The following GPR39 variants were observed in gnomAD, a reference collection of about 807,000 sequenced individuals.
GPR39 encodes the protein G protein-coupled receptor 39, also known as zinc sensing receptor.
A neutral mutation model predicts 18.4 loss-of-function variants in GPR39; 23 were observed. The ratio of observed to expected loss-of-function variants is 1.25; its 90% CI spans 0.90 to 1.77. The LOEUF (loss-of-function observed/expected upper bound fraction) is 1.77, where lower values mean the gene tolerates loss of function less well. Among genes scored for constraint, GPR39 ranks in the 40% most tolerant of loss-of-function variants. The pLI is 0.00. For synonymous variants in GPR39, 280 were observed against 257.9 expected (o/e 1.09, Z -0.82); for missense variants, 647 against 602.4 (o/e 1.07, Z -0.78).
At chr2:132,560,141 C>T (rs904116846) in intron 1 of GPR39, among the ~76,000 whole-genome samples, 1 of 152,184 alleles carries the variant, frequency 6.6e-6, no homozygotes. Flanking sequence ...CAGCAACATC[C>T]TCAACCTCCA....
chr2:132,423,384 T>A (rs553873721), intron 1 of GPR39, among the ~76,000 whole-genome samples: 1 of 152,156 alleles, frequency 6.6e-6, no homozygotes, highest in South Asian at 2.1e-4. Context: ...TTTACCCGAA[T>A]TACCTCCCAA....
At chr2:132,439,108 C>A (rs1421802621) in intron 1 of GPR39, among the ~76,000 whole-genome samples, 1 of 152,172 alleles carries the variant, frequency 6.6e-6, no homozygotes, top group African/African-American at 2.4e-5. Context: ...AAATCACAAA[C>A]ACGATTTCTC....
chr2:132,535,695 C>CTTTTTT lies in GPR39; in HGVS notation c.857-109400_857-109395dup, dbSNP rs753801511. Among the ~76,000 whole-genome samples the CTTTTTT allele has an allele frequency of 7.3e-4, 70 of 96,538 alleles. 7 individuals are homozygous for CTTTTTT. Among genetic ancestry groups the CTTTTTT allele is most frequent in the African/African-American group, 2.5e-3 (63 of 25,362 alleles). 63.3% of individuals were successfully genotyped at this position (96,538 alleles called of 152,430 possible). ...GGCTGTGAATCCATCTGGTCCTGGG[C>CTTTTTT]TTTTTTTTTTTGGTTGGTAGGCTAT... On this transcript the variant is annotated intron_variant, in intron 1 of 1. Coordinates refer to ENST00000329321, the MANE Select transcript of GPR39 (RefSeq NM_001508.3).
intron 1 of GPR39, among the ~76,000 whole-genome samples, chr2:132,482,007 T>G (rs1208078857): frequency 6.6e-6 from 1 of 152,214 alleles, no homozygotes; most frequent in Non-Finnish European, 1.5e-5. Flanking sequence ...AACATCTCTG[T>G]AGACTGGACC....
intron 1 of GPR39, among the ~76,000 whole-genome samples, chr2:132,510,356 C>T (rs1314607026): frequency 6.6e-6 from 1 of 152,150 alleles, no homozygotes; most frequent in Admixed American, 6.5e-5. Context: ...CTCGGGAAAG[C>T]TGTCTGGGGC....
intron 1 of GPR39, among the ~76,000 whole-genome samples, chr2:132,545,660 G>GTT (rs1344629671): frequency 6.6e-6 from 1 of 151,110 alleles, no homozygotes; most frequent in Non-Finnish European, 1.5e-5. Context: ...ATGGGCGTGT[G>GTT]TGTGTGTGTG....
chr2:132,434,510 A>C (rs917531401), intron 1 of GPR39, among the ~76,000 whole-genome samples: 1 of 152,186 alleles, frequency 6.6e-6, no homozygotes, highest in African/African-American at 2.4e-5. Flanking sequence ...CCATGAGGTC[A>C]ACACTGAAGG....
Position 132,645,278 on chromosome 2 carries a change from C to A in GPR39, c.1034C>A (p.Thr345Lys). Residue 345 changes from threonine to lysine, a missense_variant, in exon 2 of 2, where the codon ACG becomes AAG. Physicochemically the swap from Thr to Lys is moderately conservative, Grantham distance 78 (BLOSUM62 -1). Coordinates refer to ENST00000329321, the MANE Select transcript of GPR39 (RefSeq NM_001508.3). ...LSSVINPLLY[T>K]VSSQQFRRVF... ...TCGGTCATCAACCCGCTCCTGTACACGGTGTCCTCGCAGCAGTTTCGGCGG... is the reference window on the plus strand; with the variant it reads ...TCGGTCATCAACCCGCTCCTGTACAAGGTGTCCTCGCAGCAGTTTCGGCGG... 6.2e-7 allele frequency: 1 copy of A among 1,614,212 alleles called. No individual in the cohort carries two copies. The highest frequency in any genetic ancestry group is 8.5e-7 in the Non-Finnish European group (1 of 1,180,034).
chr2:132,561,758 C>T (rs1043621342), intron 1 of GPR39, among the ~76,000 whole-genome samples: 2 of 152,132 alleles, frequency 1.3e-5, no homozygotes, highest in Non-Finnish European at 2.9e-5. Context: ...GTATAAGTTC[C>T]AGACAAACCT....
chr2:132,635,083 C>G (rs908567871), intron 1 of GPR39, among the ~76,000 whole-genome samples: 2 of 152,164 alleles, frequency 1.3e-5, no homozygotes, highest in Non-Finnish European at 2.9e-5. Context: ...TCCCTTCTCT[C>G]CATTCCCACT....
intron 1 of GPR39, among the ~76,000 whole-genome samples, chr2:132,613,138 T>C (rs1397423258): frequency 1.3e-5 from 2 of 152,218 alleles, no homozygotes; most frequent in Admixed American, 6.5e-5. Context: ...AGTTTTTCCA[T>C]AGATGCTTTT....
intron 1 of GPR39, among the ~76,000 whole-genome samples, chr2:132,533,822 A>G (rs912761785): frequency 2.0e-5 from 3 of 152,168 alleles, no homozygotes; most frequent in African/African-American, 4.8e-5. Context: ...CCTTCCTTAC[A>G]CCTTATACAA....
chr2:132,631,084 C>T (rs2104869440), intron 1 of GPR39, among the ~76,000 whole-genome samples: 2 of 152,086 alleles, frequency 1.3e-5, no homozygotes, highest in Middle Eastern at 3.4e-3. Context: ...GGAGGAGGTA[C>T]CCCAGGGAGA....
chr2:132,426,961 A>C (rs948954102), intron 1 of GPR39, among the ~76,000 whole-genome samples: 6 of 151,636 alleles, frequency 4.0e-5, no homozygotes, highest in African/African-American at 1.5e-4. Context: ...GAGAGAAGCC[A>C]CTCTCTTTCT....
At chr2:132,485,912 G>T (rs1312829704) in intron 1 of GPR39, among the ~76,000 whole-genome samples, 1 of 152,114 alleles carries the variant, frequency 6.6e-6, no homozygotes, top group Non-Finnish European at 1.5e-5. Flanking sequence ...TTTCCAGAAG[G>T]TGTTCAATTT....
chr2:132,538,099 T>C (rs954707614), intron 1 of GPR39, among the ~76,000 whole-genome samples: 2 of 152,148 alleles, frequency 1.3e-5, no homozygotes, highest in African/African-American at 4.8e-5. Flanking sequence ...TGGAGAAGTG[T>C]TGCAGTCATT....
chr2:132,643,805 C>T (rs368390252), intron 1 of GPR39, among the ~76,000 whole-genome samples: 4 of 152,288 alleles, frequency 2.6e-5, no homozygotes, highest in African/African-American at 9.6e-5. Flanking sequence ...CAGGCATGCG[C>T]CACCATGTCT....
At chr2:132,446,403 A>G (rs1052776027) in intron 1 of GPR39, among the ~76,000 whole-genome samples, 1 of 152,212 alleles carries the variant, frequency 6.6e-6, no homozygotes, top group African/African-American at 2.4e-5. Context: ...AAGTCTTAAA[A>G]CAGTGTTAGG....
intron 1 of GPR39, among the ~76,000 whole-genome samples, chr2:132,584,378 A>T (rs1165936273): frequency 1.3e-5 from 2 of 152,232 alleles, no homozygotes; most frequent in African/African-American, 4.8e-5. Context: ...GTGAACACCC[A>T]TGCTTGAAGA....
Sources: allele counts gnomAD v4.1 joint callset (sites outside exome capture counted in the v4.1 genomes callset), GRCh38; gene constraint gnomAD v4.1.1; transcripts MANE v1.5; gene names NCBI Gene and HGNC (gene_info 2026-07-23, HGNC 2026-07-21).